FAM171A1: variants seen among roughly 807,000 people sequenced by gnomAD.
FAM171A1 encodes family with sequence similarity 171 member A1, also known as protein FAM171A1.
FAM171A1 carries 23 observed loss-of-function variants against 74.9 expected under a neutral mutation model. That is an observed-to-expected ratio of 0.31 (90% CI 0.22 to 0.44). The LOEUF is 0.44. Among genes scored for constraint, FAM171A1 ranks in the 20% least tolerant of loss-of-function variants. The pLI, the probability that FAM171A1 is intolerant of heterozygous loss-of-function variation, is 1.00. For synonymous variants in FAM171A1, 527 were observed against 505.7 expected (o/e 1.04, Z -0.57); for missense variants, 1,162 against 1,159.2 (o/e 1.00, Z -0.03).
At chr10:15,357,175 C>G (rs1005020119) in intron 1 of FAM171A1, among the ~76,000 whole-genome samples, 1 of 151,946 alleles carries the variant, frequency 6.6e-6, no homozygotes, top group Admixed American at 6.6e-5. Context: ...CCCAGCTACT[C>G]GGGAGGCTGA....
At chr10:15,346,427 C>T (rs1324746890) in intron 1 of FAM171A1, among the ~76,000 whole-genome samples, 4 of 152,062 alleles carry the variant, frequency 2.6e-5, no homozygotes, top group Non-Finnish European at 4.4e-5. Flanking sequence ...GGGAAGAGGC[C>T]TCAAGATCTG....
chr10:15,309,435 T>C (rs1832710095), intron 1 of FAM171A1, among the ~76,000 whole-genome samples: 1 of 152,286 alleles, frequency 6.6e-6, no homozygotes, highest in African/African-American at 2.4e-5. Context: ...CTTGAACTCC[T>C]GGTCTCACGC....
chr10:15,336,399 G>C (rs1914544), intron 1 of FAM171A1, among the ~76,000 whole-genome samples: 65,615 of 151,428 alleles, frequency 0.43, 14,849 homozygotes, highest in East Asian at 0.8. Flanking sequence ...GGAAAAAGCT[G>C]TGATGTCATA....
chr10:15,245,795 G>T lies in FAM171A1; in HGVS notation c.754+2844C>A, dbSNP rs1442505440. Among the ~76,000 whole-genome samples, 4 of 152,364 alleles carry T rather than the reference G, an allele frequency of 2.6e-5. No homozygotes were observed. In the East Asian group the frequency reaches 7.7e-4, roughly 29 times the overall value. On this transcript the variant is annotated intron_variant, in intron 5 of 7. Coordinates refer to ENST00000378116, the MANE Select transcript of FAM171A1 (RefSeq NM_001010924.2). ...TACAGGGGACAGGCAGACCATACAA[G>T]GGGGTGTATATTCATATCTCTTACA...
At chr10:15,356,556 G>A (rs768053670) in intron 1 of FAM171A1, among the ~76,000 whole-genome samples, 8 of 152,176 alleles carry the variant, frequency 5.3e-5, no homozygotes, top group African/African-American at 1.7e-4. Flanking sequence ...TAACTTGAGC[G>A]CCCAGCAATG....
chr10:15,366,870 TGTCA>T (rs1441226395), intron 1 of FAM171A1, among the ~76,000 whole-genome samples: 1 of 152,196 alleles, frequency 6.6e-6, no homozygotes, highest in Non-Finnish European at 1.5e-5. Context: ...TTTACTGAGA[TGTCA>T]GTAATTTGGT....
At chr10:15,263,370 C>G (rs562185376) in intron 3 of FAM171A1, among the ~76,000 whole-genome samples, 1 of 152,176 alleles carries the variant, frequency 6.6e-6, no homozygotes, top group Non-Finnish European at 1.5e-5. Context: ...AAACCCCTCC[C>G]CACAAGATTT....
At chr10:15,241,698 C>T (rs534635962) in intron 5 of FAM171A1, 1 of 152,104 alleles carries the variant, frequency 6.6e-6, no homozygotes, top group African/African-American at 2.4e-5. Context: ...TTAACATATC[C>T]ATCACTTTAC....
At chr10:15,316,645 A>T (rs1835425903) in intron 1 of FAM171A1, among the ~76,000 whole-genome samples, 2 of 152,202 alleles carry the variant, frequency 1.3e-5, no homozygotes, top group African/African-American at 4.8e-5. Context: ...CCCAGAAAGC[A>T]GCTGTTTCTG....
At chr10:15,261,351 G>A (rs1372591497) in intron 3 of FAM171A1, among the ~76,000 whole-genome samples, 2 of 152,176 alleles carry the variant, frequency 1.3e-5, no homozygotes, top group African/African-American at 4.8e-5. Context: ...CAGTAATCTT[G>A]GGGATAATGG....
chr10:15,286,533 C>G (rs936858279), intron 1 of FAM171A1, among the ~76,000 whole-genome samples: 1 of 152,100 alleles, frequency 6.6e-6, no homozygotes, highest in African/African-American at 2.4e-5. Context: ...CCACCCACCT[C>G]GGGCTCCCAA....
At chr10:15,342,600 C>T (rs576050845) in intron 1 of FAM171A1, among the ~76,000 whole-genome samples, 35 of 152,044 alleles carry the variant, frequency 2.3e-4, no homozygotes, top group Non-Finnish European at 4.6e-4. Flanking sequence ...AAACACATAA[C>T]GGGTGTTGCT....
intron 1 of FAM171A1, among the ~76,000 whole-genome samples, chr10:15,302,396 C>T (rs1564637452): frequency 1.3e-5 from 2 of 150,914 alleles, no homozygotes; most frequent in African/African-American, 2.4e-5. Context: ...ACACAGGAGG[C>T]GGAGGTCGCA....
chr10:15,278,841 C>T (rs558254057), intron 2 of FAM171A1, among the ~76,000 whole-genome samples: 2 of 152,278 alleles, frequency 1.3e-5, no homozygotes, highest in Admixed American at 1.3e-4. Context: ...GGAACCCCAA[C>T]TTGGGTAAAT....
intron 1 of FAM171A1, among the ~76,000 whole-genome samples, chr10:15,300,691 T>C (rs566357031): frequency 6.7e-6 from 1 of 149,528 alleles, no homozygotes; most frequent in Admixed American, 6.8e-5. Context: ...CTAGAGTTGA[T>C]GGTCATCTTT....
chr10:15,227,167 T>C (rs977798848), intron 5 of FAM171A1, among the ~76,000 whole-genome samples: 1 of 152,004 alleles, frequency 6.6e-6, no homozygotes, highest in African/African-American at 2.4e-5. Flanking sequence ...AACCAGCTAA[T>C]TTTTTGTATT....
chr10:15,218,541 A>T lies in FAM171A1; in HGVS notation c.871+2403T>A, dbSNP rs369747372. ...TTTTTTGTAATAAAGGTGGGTTGTG[A>T]GATGACTGACATATGTATCCCTACA... is the stretch of plus-strand genomic sequence containing the variant. On this transcript the variant is annotated intron_variant, in intron 6 of 7. Transcript: ENST00000378116. Among the ~76,000 whole-genome samples the T allele has an allele frequency of 2.0e-5, 3 of 152,166 alleles. No homozygotes were observed. The East Asian group carries it at 5.8e-4, about 29-fold the overall frequency.
At chr10:15,337,411 C>T (rs942611453) in intron 1 of FAM171A1, among the ~76,000 whole-genome samples, 1 of 152,226 alleles carries the variant, frequency 6.6e-6, no homozygotes. Context: ...ACATCAAAGG[C>T]CGTTGGAAAT....
chr10:15,311,022 A>C (rs1430079990), intron 1 of FAM171A1, among the ~76,000 whole-genome samples: 1 of 152,124 alleles, frequency 6.6e-6, no homozygotes, highest in Non-Finnish European at 1.5e-5. Context: ...CAGGGGACCT[A>C]GGGCTGCTGG....
Sources: allele counts gnomAD v4.1 joint callset (sites outside exome capture counted in the v4.1 genomes callset), GRCh38; gene constraint gnomAD v4.1.1; transcripts MANE v1.5; gene names NCBI Gene and HGNC (gene_info 2026-07-23, HGNC 2026-07-21).